MACROD2: variants seen among roughly 807,000 people sequenced by gnomAD.
MACROD2 encodes the protein mono-ADP ribosylhydrolase 2.
A neutral mutation model predicts 70.4 loss-of-function variants in MACROD2; 36 were observed. That is an observed-to-expected ratio of 0.51 (90% CI 0.39 to 0.68). MACROD2 has a LOEUF of 0.68. Ranked by LOEUF, MACROD2 falls within the 30% of genes least tolerant of loss-of-function variation. The pLI is 0.00. For synonymous variants in MACROD2, 172 were observed against 178.8 expected (o/e 0.96, Z 0.30); for missense variants, 496 against 538.4 (o/e 0.92, Z 0.78).
At position 14,980,604 on chromosome 20, in the gene MACROD2, A is replaced by G. The variant is rs535245626; in HGVS notation, c.419-249336A>G. On this transcript the variant is annotated intron_variant, in intron 5 of 17. Coordinates refer to ENST00000684519, the MANE Select transcript of MACROD2 (RefSeq NM_001351661.2). The stretch of plus-strand genomic sequence containing the variant: ...ACAATGACAACTTATGTAATTGGCC[A>G]AGTGAAATACTACTAATCATTAAGG... Among the ~76,000 whole-genome samples the G allele has an allele frequency of 4.6e-5, 7 of 152,330 alleles. No homozygotes were observed. The South Asian group carries it at 1.5e-3, about 32-fold the overall frequency.
At chr20:14,947,045 G>A (rs1482842246) in intron 5 of MACROD2, among the ~76,000 whole-genome samples, 2 of 152,098 alleles carry the variant, frequency 1.3e-5, no homozygotes, top group African/African-American at 4.8e-5. Flanking sequence ...CCGGATACCT[G>A]GCTGTCGGAT....
At chr20:14,347,170 C>T (rs1347855337) in intron 3 of MACROD2, among the ~76,000 whole-genome samples, 1 of 152,126 alleles carries the variant, frequency 6.6e-6, no homozygotes, top group Non-Finnish European at 1.5e-5. Flanking sequence ...GCTAAGATAG[C>T]AACAGCATGT....
At chr20:14,154,295 G>A (rs2055062907) in intron 3 of MACROD2, among the ~76,000 whole-genome samples, 1 of 152,024 alleles carries the variant, frequency 6.6e-6, no homozygotes, top group Non-Finnish European at 1.5e-5. Flanking sequence ...TTTATCTAAG[G>A]AGAATACCAG....
intron 5 of MACROD2, among the ~76,000 whole-genome samples, chr20:14,982,098 C>T (rs1332775908): frequency 1.3e-5 from 2 of 152,088 alleles, no homozygotes; most frequent in Non-Finnish European, 2.9e-5. Flanking sequence ...GCAAAGGTGA[C>T]TCTTGTTATG....
chr20:14,863,289 A>C (rs868482612), intron 5 of MACROD2, among the ~76,000 whole-genome samples: 3 of 152,202 alleles, frequency 2.0e-5, no homozygotes, highest in Middle Eastern at 3.4e-3. Context: ...CTATGGGCAC[A>C]TTTCACATTG....
chr20:15,550,266 T>C (rs138250705), intron 8 of MACROD2, among the ~76,000 whole-genome samples: 35 of 148,846 alleles, frequency 2.4e-4, no homozygotes, highest in Admixed American at 1.1e-3. Flanking sequence ...TTTAAATAAA[T>C]ATTTAAAATA....
chr20:14,270,920 G>T (rs976201138), intron 3 of MACROD2, among the ~76,000 whole-genome samples: 1 of 152,218 alleles, frequency 6.6e-6, no homozygotes, highest in African/African-American at 2.4e-5. Flanking sequence ...AAACTGCAAG[G>T]CCGCAGCGAG....
At chr20:14,985,420 A>T (rs544552470) in intron 5 of MACROD2, among the ~76,000 whole-genome samples, 20 of 152,222 alleles carry the variant, frequency 1.3e-4, no homozygotes, top group African/African-American at 3.9e-4. Flanking sequence ...TAGTGGAGTG[A>T]TCATTTGTCT....
chr20:14,853,173 C>CTGTATGTGTGTG lies in MACROD2; in HGVS notation c.418+168217_418+168218insATGTGTGTGTGT, dbSNP rs35279137. On this transcript the variant is annotated intron_variant, in intron 5 of 17. Coordinates refer to ENST00000684519, the MANE Select transcript of MACROD2 (RefSeq NM_001351661.2). ...GTGTGAACAGTGTGTGTGTGTGTGT[C>CTGTATGTGTGTG]TGTGTGTGTGTGTGTGTGTGTGTGT... 6.1e-3 allele frequency among the ~76,000 whole-genome samples: 909 copies of CTGTATGTGTGTG among 149,150 alleles called. 10 individuals carry two copies. Among genetic ancestry groups the CTGTATGTGTGTG allele is most frequent in the Middle Eastern group, 0.021 (6 of 284 alleles).
intron 8 of MACROD2, among the ~76,000 whole-genome samples, chr20:15,642,902 TGCC>T (rs1003885527): frequency 2.0e-5 from 3 of 152,160 alleles, no homozygotes; most frequent in Admixed American, 2.0e-4. Flanking sequence ...ATTACTTGCA[TGCC>T]AACTCACTGC....
At chr20:14,577,794 A>AAAGAGAAGAGAAGAGAAGAGAAGAG (rs140897912) in intron 4 of MACROD2, among the ~76,000 whole-genome samples, 24,966 of 137,566 alleles carry the variant, frequency 0.18, 2,848 homozygotes, top group South Asian at 0.22. Context: ...AAAGAAAAGG[A>AAAGAGAAGAGAAGAGAAGAGAAGAG]AAGAGAAGAG....
chr20:15,015,996 C>A (rs1488325993), intron 5 of MACROD2, among the ~76,000 whole-genome samples: 4 of 152,140 alleles, frequency 2.6e-5, no homozygotes, highest in Admixed American at 6.5e-5. Flanking sequence ...CAGAAACAAA[C>A]CCTGACTCAG....
At chr20:14,820,435 T>C (rs2072830344) in intron 5 of MACROD2, among the ~76,000 whole-genome samples, 1 of 150,950 alleles carries the variant, frequency 6.6e-6, no homozygotes, top group African/African-American at 2.4e-5. Flanking sequence ...ATACAGCTAC[T>C]GTGATATCTT....
At chr20:14,123,852 A>C (rs2054613897) in intron 3 of MACROD2, among the ~76,000 whole-genome samples, 1 of 152,162 alleles carries the variant, frequency 6.6e-6, no homozygotes, top group African/African-American at 2.4e-5. Flanking sequence ...AGCAGTGGTA[A>C]AATTCCCCTG....
At chr20:14,870,608 A>T (rs1197957578) in intron 5 of MACROD2, among the ~76,000 whole-genome samples, 1 of 148,918 alleles carries the variant, frequency 6.7e-6, no homozygotes, top group Non-Finnish European at 1.5e-5. Context: ...AGGACCTATT[A>T]TTTTTTTTTT....
intron 6 of MACROD2, among the ~76,000 whole-genome samples, chr20:15,362,352 G>A (rs577789633): frequency 2.6e-5 from 4 of 151,926 alleles, no homozygotes; most frequent in East Asian, 1.9e-4. Context: ...TGGTGAGAGC[G>A]GACATCCTTA....
At chr20:14,676,540 C>T (rs1458698354) in intron 4 of MACROD2, among the ~76,000 whole-genome samples, 1 of 152,052 alleles carries the variant, frequency 6.6e-6, no homozygotes, top group African/African-American at 2.4e-5. Flanking sequence ...CACAACATAC[C>T]AGAATCTCTG....
intron 4 of MACROD2, among the ~76,000 whole-genome samples, chr20:14,537,811 T>G (rs2085384216): frequency 6.6e-6 from 1 of 152,162 alleles, no homozygotes; most frequent in South Asian, 2.1e-4. Flanking sequence ...TCCAGCATAG[T>G]CCGAAGGTAG....
intron 6 of MACROD2, among the ~76,000 whole-genome samples, chr20:15,365,175 C>CG (rs113672646): frequency 0.025 from 3,818 of 151,402 alleles, 134 homozygotes; most frequent in African/African-American, 0.082. Context: ...TGGGGCGGGG[C>CG]GGGGGTCAGA....
Sources: allele counts gnomAD v4.1 joint callset (sites outside exome capture counted in the v4.1 genomes callset), GRCh38; gene constraint gnomAD v4.1.1; transcripts MANE v1.5; gene names NCBI Gene and HGNC (gene_info 2026-07-23, HGNC 2026-07-21).